SH3BGRL: variants seen among roughly 807,000 people sequenced by gnomAD.
The protein encoded by SH3BGRL is adapter SH3BGRL.
In SH3BGRL, 7 loss-of-function variants were observed where a neutral mutation model predicts 9.8. The ratio of observed to expected loss-of-function variants is 0.72; its 90% CI spans 0.41 to 1.35. The LOEUF is 1.35. Ranked by LOEUF, SH3BGRL falls within the 40% of genes most tolerant of loss-of-function variation. The pLI, the probability that SH3BGRL is intolerant of heterozygous loss-of-function variation, is 0.01. For synonymous variants in SH3BGRL, 36 were observed against 29.1 expected, an observed-to-expected ratio of 1.24 and a Z score of -0.76; for missense variants, 73 against 84.4, an observed-to-expected ratio of 0.86 and a Z score of 0.53.
At chrX:81,205,448 G>A (rs865994449) in intron 1 of SH3BGRL, among the ~76,000 whole-genome samples, 1 of 105,028 alleles carries the variant, frequency 9.5e-6, no homozygotes, top group Non-Finnish European at 1.9e-5. Flanking sequence ...TTTTGTGTGT[G>A]TATATATATG....
intron 3 of SH3BGRL, among the ~76,000 whole-genome samples, chrX:81,281,121 C>G (rs1344985648): frequency 1.8e-5 from 2 of 110,151 alleles, no homozygotes; most frequent in Non-Finnish European, 3.8e-5. Context: ...CCAACAAAGA[C>G]AAAGAAAAAA....
At chrX:81,282,806 G>A (rs761067197) in intron 3 of SH3BGRL, among the ~76,000 whole-genome samples, 1 of 110,737 alleles carries the variant, frequency 9.0e-6, no homozygotes, top group African/African-American at 3.3e-5. Context: ...CCCAGAAGAA[G>A]AAAGAAATAA....
In SH3BGRL at chrX:81,297,225, T is replaced by A. The variant is rs1160650464; in HGVS notation, c.343T>A (p.Ter115ArgextTer7). ...AGAAGTGCAAGCAAAGCAGCAAGCA[T>A]GAACCTTAAGCACTGTGCTTTAAGC... ...EAEVQAKQQA[*>R] Residue 115 changes from the stop codon to arginine (R), a stop_lost, in exon 4 of 4, where the codon TGA (stop) becomes AGA (arginine). Coordinates refer to ENST00000373212, the MANE Select transcript of SH3BGRL (RefSeq NM_003022.3). The A allele has an allele frequency of 8.3e-7, 1 of 1,203,354 alleles. No individual in the cohort carries two copies. The highest frequency in any genetic ancestry group is 1.1e-6 in the Non-Finnish European group (1 of 889,848).
At chrX:81,212,793 C>T (rs760399929) in intron 1 of SH3BGRL, among the ~76,000 whole-genome samples, 14 of 111,906 alleles carry the variant, frequency 1.3e-4, no homozygotes, top group African/African-American at 4.2e-4. Flanking sequence ...TCCCACCAGA[C>T]ACACAGCATG....
At chrX:81,229,318 C>T (rs1359266759) in intron 1 of SH3BGRL, among the ~76,000 whole-genome samples, 3 of 110,657 alleles carry the variant, frequency 2.7e-5, no homozygotes, top group African/African-American at 9.9e-5. Flanking sequence ...CCCCAGTGGG[C>T]GTGTGTTACA....
At chrX:81,223,587 G>T (rs2075607551) in intron 1 of SH3BGRL, among the ~76,000 whole-genome samples, 1 of 110,550 alleles carries the variant, frequency 9.0e-6, no homozygotes, top group Non-Finnish European at 1.9e-5. Flanking sequence ...GAAGCTTTCT[G>T]TGTATTGCTT....
chrX:81,229,833 T>A (rs2075627676), intron 1 of SH3BGRL, among the ~76,000 whole-genome samples: 1 of 111,830 alleles, frequency 8.9e-6, no homozygotes, highest in Admixed American at 9.5e-5. Flanking sequence ...TCTTGGGAAA[T>A]GCAGCATTTG....
chrX:81,214,021 A>C (rs761192871), intron 1 of SH3BGRL, among the ~76,000 whole-genome samples: 14 of 112,274 alleles, frequency 1.2e-4, no homozygotes, highest in Non-Finnish European at 2.6e-4. Context: ...GAAAACAAAG[A>C]CAGGACTTTG....
At chrX:81,259,433 G>T (rs1317638688) in intron 1 of SH3BGRL, among the ~76,000 whole-genome samples, 4 of 111,734 alleles carry the variant, frequency 3.6e-5, no homozygotes, top group Non-Finnish European at 7.5e-5. Flanking sequence ...CTTGTCCCTT[G>T]ACAAAGTTCC....
At chrX:81,238,792 CAGAGAG>C (rs766291990) in intron 1 of SH3BGRL, among the ~76,000 whole-genome samples, 78 of 91,427 alleles carry the variant, frequency 8.5e-4, no homozygotes, top group African/African-American at 2.5e-3. Context: ...TAGTGCAGAA[CAGAGAG>C]AGAGAGAGAG....
At chrX:81,246,674 G>T (rs1256215518) in intron 1 of SH3BGRL, among the ~76,000 whole-genome samples, 2 of 110,906 alleles carry the variant, frequency 1.8e-5, no homozygotes, top group African/African-American at 6.6e-5. Context: ...CAGTGAGTCT[G>T]TTTTAGTACC....
chrX:81,265,385 G>A (rs1159459469), intron 1 of SH3BGRL, among the ~76,000 whole-genome samples: 1 of 109,009 alleles, frequency 9.2e-6, no homozygotes, highest in African/African-American at 3.4e-5. Context: ...ACAGGCCCCG[G>A]TGTGTGATGT....
chrX:81,284,563 A>G (rs753721160), intron 3 of SH3BGRL, among the ~76,000 whole-genome samples: 10 of 111,276 alleles, frequency 9.0e-5, no homozygotes, highest in Non-Finnish European at 1.7e-4. Context: ...CCAGGGAAGA[A>G]GTTAGCCTTG....
At chrX:81,265,809 A>C (rs1049509385) in intron 1 of SH3BGRL, among the ~76,000 whole-genome samples, 1 of 112,055 alleles carries the variant, frequency 8.9e-6, no homozygotes, top group African/African-American at 3.2e-5. Flanking sequence ...GGTTGAACTA[A>C]TTTACACTCC....
chrX:81,204,204 A>G (rs888777815), intron 1 of SH3BGRL, among the ~76,000 whole-genome samples: 3 of 112,335 alleles, frequency 2.7e-5, no homozygotes, highest in African/African-American at 9.7e-5. Context: ...TGTAGTAATT[A>G]TAGTTCAATG....
rs1367242458 is a variant in SH3BGRL at position 81,237,011 on chromosome X, C to CT, written c.45+34767dup. ...CCTTCAGTAAGAAAGCAGGCACAGT[C>CT]TAAAGACTTGAAACCATGGAAATTA... On this transcript the variant is annotated intron_variant, in intron 1 of 3. Transcript: ENST00000373212. 50 of 666,270 alleles carry CT rather than the reference C, an allele frequency of 7.5e-5. No homozygotes were observed. In the South Asian group the frequency reaches 9.7e-4, roughly 13 times the overall value. 54.9% of individuals were successfully genotyped at this position (666,270 alleles called of 1,213,427 possible).
Position 81,211,278 on chromosome X carries a change from G to A in SH3BGRL, c.45+9033G>A, listed in dbSNP as rs2075562280. Among the ~76,000 whole-genome samples, 3 of 111,790 alleles carry A rather than the reference G, an allele frequency of 2.7e-5. No individual in the cohort carries two copies. The South Asian group carries it at 1.1e-3, about 41-fold the overall frequency. Reference sequence around the variant, plus strand: ...AATCCTGGGTACTGTCTGTGTGGGTGTTGCCAAAAGAGATTAACATTTGAG... The same window carrying A: ...AATCCTGGGTACTGTCTGTGTGGGTATTGCCAAAAGAGATTAACATTTGAG... On this transcript the variant is annotated intron_variant, in intron 1 of 3. Transcript: ENST00000373212.
At chrX:81,252,905 CAA>C (rs1055392254) in intron 1 of SH3BGRL, among the ~76,000 whole-genome samples, 5 of 109,767 alleles carry the variant, frequency 4.6e-5, no homozygotes, top group Non-Finnish European at 7.6e-5. Flanking sequence ...TTAAAACAAA[CAA>C]GAGAAAAAAG....
chrX:81,230,598 C>T (rs563774760), intron 1 of SH3BGRL, among the ~76,000 whole-genome samples: 2 of 112,270 alleles, frequency 1.8e-5, no homozygotes, highest in African/African-American at 6.5e-5. Context: ...TTGAGGAACA[C>T]AGGTAATCCC....
Sources: gnomAD v4.1 joint callset for allele counts (sites outside exome capture counted in the v4.1 genomes callset) on GRCh38, gnomAD v4.1.1 for gene constraint, MANE v1.5 for transcripts, NCBI Gene and HGNC (gene_info 2026-07-23, HGNC 2026-07-21) for gene names.